Variants in NFATC1 observed in about 807,000 individuals in gnomAD.
NFATC1 encodes nuclear factor of activated T cells 1.
In NFATC1, 22 loss-of-function variants were observed where a neutral mutation model predicts 76.0. The ratio of observed to expected loss-of-function variants is 0.29; its 90% confidence interval spans 0.21 to 0.41. NFATC1 has a LOEUF of 0.41. Ranked by LOEUF, NFATC1 falls within the 10% of genes least tolerant of loss-of-function variation. The pLI, the probability that NFATC1 is intolerant of heterozygous loss-of-function variation, is 1.00. For synonymous variants in NFATC1, 704 were observed against 613.1 expected (o/e 1.15, Z -2.19); for missense variants, 1,357 against 1,337.7 (o/e 1.01, Z -0.23).
intron 8 of NFATC1, among the ~76,000 whole-genome samples, chr18:79,485,467 C>T: frequency 6.6e-6 from 1 of 152,254 alleles, no homozygotes; most frequent in East Asian, 1.9e-4. Flanking sequence ...CTGTTTGCTT[C>T]CCAACACCCC....
At position 79,524,862 on chromosome 18, in the gene NFATC1, C is replaced by T. The variant is rs977517206; in HGVS notation, c.2783-2666C>T. ...CGCTTCCCTTTCACCCTCAGCGACG[C>T]GCCCTCCTGTGCCCGCGGGGAACAA... is the stretch of plus-strand genomic sequence containing the variant. On this transcript the variant is annotated intron_variant, in intron 9 of 9. Coordinates refer to ENST00000427363, the MANE Select transcript of NFATC1 (RefSeq NM_001278669.2). The surrounding 1 kb of genome is among the most constrained non-coding windows in gnomAD (Gnocchi z 7.2). Among the ~76,000 whole-genome samples the T allele has an allele frequency of 1.3e-5, 2 of 152,156 alleles. No homozygotes were observed. The highest frequency in any genetic ancestry group is 2.4e-5 in the African/African-American group (1 of 41,520).
intron 3 of NFATC1, among the ~76,000 whole-genome samples, chr18:79,443,030 A>G (rs544715659): frequency 2.1e-4 from 32 of 152,142 alleles, no homozygotes; most frequent in African/African-American, 7.5e-4. Flanking sequence ...TTATGTTGAA[A>G]CAGCCCTTCC....
At chr18:79,432,381 G>A (rs532882152) in intron 2 of NFATC1, among the ~76,000 whole-genome samples, 2 of 151,854 alleles carry the variant, frequency 1.3e-5, no homozygotes, top group African/African-American at 2.4e-5. Context: ...AGGTGAGGAC[G>A]GTCGGCGGGC....
chr18:79,496,782 T>C (rs764409213), intron 9 of NFATC1: 1 of 152,256 alleles, frequency 6.6e-6, no homozygotes, highest in Non-Finnish European at 1.5e-5. Flanking sequence ...GTACGTTCCA[T>C]AGTGACCTTT....
At chr18:79,441,086 C>T (rs1306320890) in intron 3 of NFATC1, among the ~76,000 whole-genome samples, 1 of 152,242 alleles carries the variant, frequency 6.6e-6, no homozygotes, top group Admixed American at 6.5e-5. Context: ...CCTGCGGAGC[C>T]GAGACGCACC....
intron 9 of NFATC1, among the ~76,000 whole-genome samples, chr18:79,505,707 G>A (rs1444387557): frequency 8.7e-5 from 12 of 137,482 alleles, no homozygotes; most frequent in South Asian, 2.5e-4. Flanking sequence ...GGTGCTGGAG[G>A]CCCTTGGGTG....
chr18:79,441,679 G>A (rs1315807262), intron 3 of NFATC1, among the ~76,000 whole-genome samples: 1 of 152,114 alleles, frequency 6.6e-6, no homozygotes, highest in Non-Finnish European at 1.5e-5. Context: ...CTTGGTGTCA[G>A]GCGACGCGAC....
intron 8 of NFATC1, among the ~76,000 whole-genome samples, chr18:79,477,018 G>A (rs1018311900): frequency 2.6e-5 from 4 of 152,246 alleles, no homozygotes; most frequent in African/African-American, 9.6e-5. Context: ...GTGCCTGGTT[G>A]GTGCAGATTT....
At chr18:79,409,363 CA>C (rs1177497035) in intron 1 of NFATC1, among the ~76,000 whole-genome samples, 8 of 151,120 alleles carry the variant, frequency 5.3e-5, no homozygotes, top group Non-Finnish European at 8.9e-5. Flanking sequence ...CATCATCATT[CA>C]TCCATCCATC....
chr18:79,449,724 G>A (rs1320979603), intron 4 of NFATC1, among the ~76,000 whole-genome samples: 4 of 152,218 alleles, frequency 2.6e-5, no homozygotes, highest in African/African-American at 4.8e-5. Context: ...CTGGGAGCCC[G>A]TGTGATGGGG....
chr18:79,407,676 C>G (rs1776822884), intron 1 of NFATC1, among the ~76,000 whole-genome samples: 1 of 152,180 alleles, frequency 6.6e-6, no homozygotes, highest in Admixed American at 6.5e-5. Context: ...AACTTCTGAC[C>G]TCAGATGATC....
intron 6 of NFATC1, among the ~76,000 whole-genome samples, chr18:79,455,302 C>T (rs564927608): frequency 5.5e-4 from 83 of 152,290 alleles, no homozygotes; most frequent in Middle Eastern, 3.4e-3. Context: ...CAGGGCTCAG[C>T]GGGTGGGGCT....
intron 8 of NFATC1, among the ~76,000 whole-genome samples, chr18:79,480,929 A>G (rs905271626): frequency 6.6e-6 from 1 of 152,244 alleles, no homozygotes; most frequent in Non-Finnish European, 1.5e-5. Flanking sequence ...TTAACCTTCC[A>G]GCCATGTGCT....
intron 9 of NFATC1, among the ~76,000 whole-genome samples, chr18:79,507,945 G>A (rs765464626): frequency 3.3e-5 from 5 of 152,262 alleles, no homozygotes; most frequent in African/African-American, 4.8e-5. Context: ...CAGTCGCCGC[G>A]TCAGGCGGAG....
rs2085668295 is a variant in NFATC1 at position 79,411,307 on chromosome 18, C to G, written c.1032C>G (p.Pro344=). ...GCAAGACCACCCTGGAGCAGCCGCC[C>G]TCAGTGGCGCTCAAGGTGGAGCCCG... ...KSRKTTLEQP[P]SVALKVEPVG... Residue 344 remains proline (P), a synonymous_variant, in exon 2 of 10, where the codon CCC becomes CCG. Transcript: ENST00000427363. The G allele has an allele frequency of 5.0e-6, 8 of 1,602,956 alleles. No homozygotes were observed. Among genetic ancestry groups the G allele is most frequent in the Non-Finnish European group, 5.1e-6 (6 of 1,177,888 alleles).
chr18:79,518,761 G>C (rs939939165), intron 9 of NFATC1, among the ~76,000 whole-genome samples: 1 of 152,206 alleles, frequency 6.6e-6, no homozygotes, highest in Non-Finnish European at 1.5e-5. Context: ...GCTCCAAGGA[G>C]AGCTGTGCCG....
At chr18:79,434,315 G>A (rs1158014052) in intron 3 of NFATC1, among the ~76,000 whole-genome samples, 2 of 152,216 alleles carry the variant, frequency 1.3e-5, no homozygotes, top group Non-Finnish European at 2.9e-5. Flanking sequence ...GACTCCCCCG[G>A]GCTGTGGTGT....
At chr18:79,454,081 T>C (rs1482358101) in intron 6 of NFATC1, among the ~76,000 whole-genome samples, 1 of 152,236 alleles carries the variant, frequency 6.6e-6, no homozygotes, top group Non-Finnish European at 1.5e-5. Context: ...TTTAGACTGC[T>C]CTTGCAGATG....
chr18:79,467,462 G>A lies in NFATC1; in HGVS notation c.1972G>A (p.Val658Ile), dbSNP rs201587256. The A allele has an allele frequency of 2.9e-4, 466 of 1,604,312 alleles. No individual in the cohort carries two copies. Among genetic ancestry groups the A allele is most frequent in the Non-Finnish European group, 3.9e-4 (452 of 1,173,356 alleles). The change falls in exon 8 of 10, where the codon GTT becomes ATT. Residue 658 changes from valine to isoleucine, a missense_variant. Val to Ile is a conservative substitution (Grantham distance 29). Transcript: ENST00000427363. ...RDLCKPNSLV[V>I]EIPPFRNQRI... ...CCTTCTCCTGTAGAATTCTCTGGTG[G>A]TTGAGATCCCGCCATTTCGGAATCA...
Sources: allele counts gnomAD v4.1 joint callset (sites outside exome capture counted in the v4.1 genomes callset), GRCh38; gene constraint gnomAD v4.1.1; non-coding constraint Gnocchi (gnomAD v3.1); transcripts MANE v1.5; gene names NCBI Gene and HGNC (gene_info 2026-07-23, HGNC 2026-07-21).